Variants in SULT1C3 observed in about 807,000 individuals in gnomAD.
SULT1C3 encodes sulfotransferase 1C3.
A neutral mutation model predicts 28.4 loss-of-function variants in SULT1C3; 31 were observed. That is an observed-to-expected ratio of 1.09 (90% CI 0.82 to 1.47). The LOEUF (loss-of-function observed/expected upper bound fraction) is 1.47, where lower values mean the gene tolerates loss of function less well. Among genes scored for constraint, SULT1C3 ranks in the 40% most tolerant of loss-of-function variants. SULT1C3 has a pLI of 0.00. For synonymous variants in SULT1C3, 106 were observed against 92.2 expected (o/e 1.15, Z -0.86); for missense variants, 307 against 272.5 (o/e 1.13, Z -0.89).
chr2:108,255,195 T>G (rs1675837515), intron 4 of SULT1C3, among the ~76,000 whole-genome samples: 1 of 152,024 alleles, frequency 6.6e-6, no homozygotes, highest in African/African-American at 2.4e-5. Flanking sequence ...CAGCTGAAAC[T>G]CACCATTTCA....
chr2:108,256,771 A>G (rs1233075533), intron 5 of SULT1C3, among the ~76,000 whole-genome samples: 1 of 152,118 alleles, frequency 6.6e-6, no homozygotes, highest in African/African-American at 2.4e-5. Flanking sequence ...ATAAATAATA[A>G]TTTCCATCAA....
At chr2:108,264,877 CAG>C (rs1676097198), downstream of SULT1C3, 9 of 1,613,678 alleles carry the variant, frequency 5.6e-6, no homozygotes, top group East Asian at 2.0e-4. Flanking sequence ...AAAGACATAT[CAG>C]AGGAAATTCT....
At chr2:108,263,076 T>G (rs1049306855), downstream of SULT1C3, among the ~76,000 whole-genome samples, 2 of 152,214 alleles carry the variant, frequency 1.3e-5, no homozygotes, top group Non-Finnish European at 2.9e-5. Flanking sequence ...TTGCTTAATT[T>G]AAATGGGTCT....
At chr2:108,265,085 C>T (rs776617159), downstream of SULT1C3, 71 of 1,491,144 alleles carry the variant, frequency 4.8e-5, no homozygotes, top group Non-Finnish European at 6.2e-5. Context: ...AGTAATGTTT[C>T]ATTCTCCATT....
Position 108,252,815 on chromosome 2 carries a change from T to A in SULT1C3, c.301+322T>A, listed in dbSNP as rs528671707. Among the ~76,000 whole-genome samples the A allele has an allele frequency of 2.6e-5, 4 of 152,170 alleles. No individual in the cohort carries two copies. In the South Asian group the frequency reaches 8.3e-4, roughly 32 times the overall value. On this transcript the variant is annotated intron_variant, in intron 3 of 7. Coordinates refer to ENST00000681802, the MANE Select transcript of SULT1C3 (RefSeq NM_001320878.2). ...CAGTGGAAAGGCCAGAAATTAGCAATCAGCTATTGTAAAATAACAGGTGTG... is the reference window on the plus strand; with the variant it reads ...CAGTGGAAAGGCCAGAAATTAGCAAACAGCTATTGTAAAATAACAGGTGTG...
At chr2:108,261,634 G>A (rs1676029399), downstream of SULT1C3, among the ~76,000 whole-genome samples, 1 of 152,058 alleles carries the variant, frequency 6.6e-6, no homozygotes, top group African/African-American at 2.4e-5. Context: ...CATGTAACAT[G>A]TAAGAAAGGG....
chr2:108,257,181 T>C (rs1675886652), intron 5 of SULT1C3, among the ~76,000 whole-genome samples: 1 of 151,936 alleles, frequency 6.6e-6, no homozygotes, highest in Non-Finnish European at 1.5e-5. Flanking sequence ...ATATTAATAA[T>C]ATGGGTGGTC....
At chr2:108,264,114 T>C (rs1676079587), downstream of SULT1C3, among the ~76,000 whole-genome samples, 1 of 152,198 alleles carries the variant, frequency 6.6e-6, no homozygotes, top group Non-Finnish European at 1.5e-5. Flanking sequence ...GTAGGATTAG[T>C]CCCACATATT....
chr2:108,246,986 G>GA (rs1369537219), intron 1 of SULT1C3, among the ~76,000 whole-genome samples: 1 of 152,140 alleles, frequency 6.6e-6, no homozygotes, highest in African/African-American at 2.4e-5. Context: ...GTAGAAAACA[G>GA]AAAAAACTAT....
At chr2:108,253,484 T>C (rs1675786841) in intron 4 of SULT1C3, 42 bp downstream of exon 4, 1 of 1,046,368 alleles carries the variant, frequency 9.6e-7, no homozygotes, top group East Asian at 2.6e-5. Context: ...AGCTTGGTGA[T>C]ATAAACTATA....
At chr2:108,250,773 A>T (rs1024556643) in intron 2 of SULT1C3, among the ~76,000 whole-genome samples, 1 of 152,156 alleles carries the variant, frequency 6.6e-6, no homozygotes, top group Non-Finnish European at 1.5e-5. Flanking sequence ...TCCCAAAATA[A>T]TGAGGGTGTG....
At chr2:108,243,646 G>T (rs1194728323) in intron 1 of SULT1C3, among the ~76,000 whole-genome samples, 3 of 143,012 alleles carry the variant, frequency 2.1e-5, no homozygotes, top group Admixed American at 7.1e-5. Context: ...AAAAAAAAAA[G>T]ATATACTTCC....
chr2:108,253,078 T>C (rs1280331986), intron 3 of SULT1C3, among the ~76,000 whole-genome samples: 2 of 151,882 alleles, frequency 1.3e-5, no homozygotes, highest in Non-Finnish European at 2.9e-5. Context: ...CAACCAGATA[T>C]ATAACAAACA....
chr2:108,248,093 G>A (rs907832117), intron 2 of SULT1C3, among the ~76,000 whole-genome samples: 1 of 152,090 alleles, frequency 6.6e-6, no homozygotes, highest in Non-Finnish European at 1.5e-5. Context: ...TCCCAGAATT[G>A]TTTGTTTGTA....
chr2:108,243,890 A>C (rs1052852536), intron 1 of SULT1C3, among the ~76,000 whole-genome samples: 1 of 152,228 alleles, frequency 6.6e-6, no homozygotes, highest in African/African-American at 2.4e-5. Flanking sequence ...ACAAGAAGAC[A>C]GCCACCATTG....
intron 2 of SULT1C3, among the ~76,000 whole-genome samples, chr2:108,249,406 T>C (rs1422573116): frequency 2.0e-5 from 3 of 152,060 alleles, no homozygotes; most frequent in African/African-American, 7.2e-5. Context: ...TAAAAAGTTA[T>C]ATTAAAGAAA....
At chr2:108,262,274 T>C (rs1385494118), downstream of SULT1C3, among the ~76,000 whole-genome samples, 3 of 152,170 alleles carry the variant, frequency 2.0e-5, no homozygotes, top group South Asian at 2.1e-4. Context: ...CCCCAGGTAC[T>C]GTCAGAGTCC....
At chr2:108,255,749 T>A in intron 5 of SULT1C3, 51 bp downstream of exon 5, 3 of 1,580,740 alleles carry the variant, frequency 1.9e-6, no homozygotes, top group Non-Finnish European at 2.6e-6. Flanking sequence ...ACTCTAACAA[T>A]AAGCACCTCT....
chr2:108,243,655 C>T (rs980932240), intron 1 of SULT1C3, among the ~76,000 whole-genome samples: 2 of 151,628 alleles, frequency 1.3e-5, no homozygotes, highest in African/African-American at 4.8e-5. Flanking sequence ...AGATATACTT[C>T]CCTCTTGCCT....
Sources: gnomAD v4.1 joint callset for allele counts (sites outside exome capture counted in the v4.1 genomes callset) on GRCh38, gnomAD v4.1.1 for gene constraint, MANE v1.5 for transcripts, NCBI Gene and HGNC (gene_info 2026-07-23, HGNC 2026-07-21) for gene names.